Variants in GNG2 observed in about 807,000 individuals in gnomAD.
GNG2 encodes the protein G protein subunit gamma 2, also known as guanine nucleotide-binding protein G(I)/G(S)/G(O) subunit gamma-2.
In GNG2, 5 loss-of-function variants were observed where a neutral mutation model predicts 5.5. That is an observed-to-expected ratio of 0.91 (90% CI 0.48 to 1.92). The LOEUF is 1.92. Ranked by LOEUF, GNG2 falls within the 30% of genes most tolerant of loss-of-function variation. The pLI, the probability that GNG2 is intolerant of heterozygous loss-of-function variation, is 0.01. For synonymous variants in GNG2, 28 were observed against 32.0 expected (o/e 0.88, Z 0.42); for missense variants, 55 against 88.4 (o/e 0.62, Z 1.52).
chr14:51,913,133 G>A (rs1030190429), intron 2 of GNG2: 5 of 152,192 alleles, frequency 3.3e-5, no homozygotes, highest in African/African-American at 1.2e-4. Flanking sequence ...TGGTTGGTAA[G>A]TGGGTGTTCC....
intron 1 of GNG2, among the ~76,000 whole-genome samples, chr14:51,869,039 G>A (rs1253914416): frequency 6.6e-6 from 1 of 152,086 alleles, no homozygotes; most frequent in African/African-American, 2.4e-5. Flanking sequence ...CCTGTTTTGG[G>A]GAACCAGGGA....
intron 3 of GNG2, among the ~76,000 whole-genome samples, chr14:51,963,267 C>CT (rs1267646596): frequency 6.6e-6 from 1 of 152,096 alleles, no homozygotes; most frequent in African/African-American, 2.4e-5. Context: ...ATGAGCAGCT[C>CT]TAAGTTATTA....
intron 2 of GNG2, among the ~76,000 whole-genome samples, chr14:51,846,809 T>C (rs1490126781): frequency 6.6e-6 from 1 of 152,204 alleles, no homozygotes; most frequent in Non-Finnish European, 1.5e-5. Context: ...AAGGGCACCA[T>C]TCCTAATTAC....
rs1280375636 is a variant in GNG2, at chr14:51,967,304, C to T, written c.*617C>T. 1 of 152,242 alleles carries T rather than the reference C, an allele frequency of 6.6e-6. No individual in the cohort carries two copies. The highest frequency in any genetic ancestry group is 6.5e-5 in the Admixed American group (1 of 15,278). 9.4% of individuals were successfully genotyped at this position (152,242 alleles called of 1,614,324 possible). A position where few individuals can be genotyped will look rare whatever the true frequency, so the allele number is the denominator to read the frequency against. On this transcript the variant is annotated 3_prime_UTR_variant, in exon 4 of 4. Coordinates refer to ENST00000556766, the MANE Select transcript of GNG2 (RefSeq NM_053064.5). ...GGAGATGTTCCCCGTGGTGTATCCT[C>T]ATGGTAACAACGACAAAAAATGCCG...
chr14:51,927,708 T>C (rs969714416), intron 2 of GNG2, among the ~76,000 whole-genome samples: 1 of 152,228 alleles, frequency 6.6e-6, no homozygotes, highest in Non-Finnish European at 1.5e-5. Context: ...TTGATGACAC[T>C]GAGATTTGAA....
intron 3 of GNG2, among the ~76,000 whole-genome samples, chr14:51,963,057 C>T (rs936041932): frequency 2.0e-5 from 3 of 152,086 alleles, no homozygotes; most frequent in African/African-American, 7.2e-5. Flanking sequence ...AATAAGATAC[C>T]GTATGTAAAG....
At chr14:51,864,578 C>T (rs1882744642) in intron 1 of GNG2, among the ~76,000 whole-genome samples, 1 of 152,172 alleles carries the variant, frequency 6.6e-6, no homozygotes, top group Non-Finnish European at 1.5e-5. Flanking sequence ...TGCATAGCTT[C>T]TGCTAGTTGG....
At chr14:51,884,296 G>T (rs1884293698) in intron 2 of GNG2, among the ~76,000 whole-genome samples, 1 of 152,216 alleles carries the variant, frequency 6.6e-6, no homozygotes, top group Non-Finnish European at 1.5e-5. Context: ...ACAGCTGAAG[G>T]ATGTTAATGT....
At chr14:51,908,736 A>ATTTTTTTGTT (rs1886112324) in intron 2 of GNG2, among the ~76,000 whole-genome samples, 1 of 89,880 alleles carries the variant, frequency 1.1e-5, no homozygotes, top group African/African-American at 4.2e-5. Context: ...CACCCAGCTA[A>ATTTTTTTGTT]TTTTTTTTTT....
At chr14:51,892,496 G>T (rs1316022132) in intron 2 of GNG2, among the ~76,000 whole-genome samples, 3 of 151,914 alleles carry the variant, frequency 2.0e-5, no homozygotes, top group Non-Finnish European at 4.4e-5. Flanking sequence ...AGACGGTTTT[G>T]CCATGTTGGC....
rs1335532551 is a variant in GNG2 at position 51,968,625 on chromosome 14, A to G, written c.*1938A>G. 1 of 152,226 alleles carries G rather than the reference A, an allele frequency of 6.6e-6. No homozygotes were observed. The highest frequency in any genetic ancestry group is 6.5e-5 in the Admixed American group (1 of 15,276). 9.4% of individuals were successfully genotyped at this position (152,226 alleles called of 1,614,324 possible). On this transcript the variant is annotated 3_prime_UTR_variant, in exon 4 of 4. Coordinates refer to ENST00000556766, the MANE Select transcript of GNG2 (RefSeq NM_053064.5). ...GGTTTTTGTTACAGTTAGGACGCCCATGAAGATTTAGGGGTGAAAAAAACA... is the reference window on the plus strand; with the variant it reads ...GGTTTTTGTTACAGTTAGGACGCCCGTGAAGATTTAGGGGTGAAAAAAACA...
intron 1 of GNG2, chr14:51,827,521 G>C (rs1881059928): frequency 1.8e-6 from 1 of 564,596 alleles, no homozygotes; most frequent in Admixed American, 3.4e-5. Flanking sequence ...TCTGAGAACA[G>C]ATGTAGTGAG....
chr14:51,906,921 A>G (rs368656244), intron 2 of GNG2, among the ~76,000 whole-genome samples: 1 of 151,818 alleles, frequency 6.6e-6, no homozygotes, highest in Non-Finnish European at 1.5e-5. Context: ...ACACCCGGCT[A>G]ATTTTTTGTA....
At chr14:51,829,280 C>A (rs1881117004) in intron 2 of GNG2, among the ~76,000 whole-genome samples, 1 of 152,134 alleles carries the variant, frequency 6.6e-6, no homozygotes, top group African/African-American at 2.4e-5. Flanking sequence ...TGCTGGCTTT[C>A]CAGCTTATCT....
At chr14:51,897,830 A>G (rs1594890013) in intron 2 of GNG2, among the ~76,000 whole-genome samples, 1 of 152,172 alleles carries the variant, frequency 6.6e-6, no homozygotes, top group East Asian at 1.9e-4. Context: ...GTGCCCCACA[A>G]TGTTTTGAGG....
intron 2 of GNG2, among the ~76,000 whole-genome samples, chr14:51,935,844 G>GGA (rs1278567040): frequency 6.6e-6 from 1 of 152,008 alleles, no homozygotes; most frequent in Non-Finnish European, 1.5e-5. Flanking sequence ...AGAGAGAGCA[G>GGA]GAGAGAGAGA....
At chr14:51,942,081 G>A (rs1383659511) in intron 2 of GNG2, among the ~76,000 whole-genome samples, 1 of 152,152 alleles carries the variant, frequency 6.6e-6, no homozygotes, top group African/African-American at 2.4e-5. Context: ...AAGAGACTCT[G>A]CTCTGTTTTA....
intron 3 of GNG2, among the ~76,000 whole-genome samples, chr14:51,965,958 C>T (rs1472213902): frequency 6.6e-6 from 1 of 152,002 alleles, no homozygotes; most frequent in East Asian, 1.9e-4. Flanking sequence ...TCTGTAATCC[C>T]AGCACTTTCG....
chr14:51,957,220 G>C (rs1889326680), intron 3 of GNG2, among the ~76,000 whole-genome samples: 1 of 152,070 alleles, frequency 6.6e-6, no homozygotes, highest in African/African-American at 2.4e-5. Context: ...TGTCTATCCT[G>C]CATCATCAGT....
Sources: gnomAD v4.1 joint callset for allele counts (sites outside exome capture counted in the v4.1 genomes callset) on GRCh38, gnomAD v4.1.1 for gene constraint, MANE v1.5 for transcripts, NCBI Gene and HGNC (gene_info 2026-07-23, HGNC 2026-07-21) for gene names.